Variants in SPA17 observed in about 807,000 individuals in gnomAD.
SPA17 encodes sperm autoantigenic protein 17.
Under a neutral mutation model 13.8 loss-of-function variants are expected in SPA17, and 7 were observed. That is an observed-to-expected ratio of 0.51 (90% confidence interval 0.29 to 0.95). The LOEUF (loss-of-function observed/expected upper bound fraction) is 0.95, where lower values mean the gene tolerates loss of function less well. Ranked by LOEUF, SPA17 falls within the 40% of genes least tolerant of loss-of-function variation. SPA17 has a pLI of 0.08. For missense variants in SPA17, 170 were observed against 179.3 expected (o/e 0.95, Z 0.30); for synonymous variants, 61 against 59.0 (o/e 1.03, Z -0.16).
rs1274608867 is a variant in SPA17 at position 124,694,495 on chromosome 11, C to T, written c.*49C>T. 1.3e-6 allele frequency: 2 copies of T among 1,554,174 alleles called. No individual in the cohort carries two copies. The highest frequency in any genetic ancestry group is 8.7e-7 in the Non-Finnish European group (1 of 1,151,648). On this transcript the variant is annotated 3_prime_UTR_variant, in exon 5 of 5. Transcript: ENST00000227135. ...AACATGAAAAATAATCCAAATCCAT[C>T]AACCTTCTTATTAATGTCATTTCTT...
chr11:124,681,424 G>T lies in SPA17; in HGVS notation c.190G>T (p.Val64Leu). 6.3e-7 allele frequency: 1 copy of T among 1,583,614 alleles called. No individual in the cohort carries two copies. Among genetic ancestry groups the T allele is most frequent in the Non-Finnish European group, 8.6e-7 (1 of 1,162,458 alleles). Residue 64 changes from valine to leucine, a missense_variant, in exon 3 of 5, where the codon GTA becomes TTA. Transcript: ENST00000227135. ...TGATCCAGCAGAATGGGGGAGTAAGGTAGAAGACCGCTTCTATAACAATCA... is the reference window on the plus strand; with the variant it reads ...TGATCCAGCAGAATGGGGGAGTAAGTTAGAAGACCGCTTCTATAACAATCA... The part of the protein sequence containing the change: ...NFDPAEWGSK[V>L]EDRFYNNHAF...
At position 124,696,620 on chromosome 11, in the gene SPA17, C is replaced by T. The variant is rs575329872; in HGVS notation, c.*2174C>T. 6.6e-6 allele frequency: 1 copy of T among 152,276 alleles called. No individual in the cohort carries two copies. The highest frequency in any genetic ancestry group is 2.1e-4 in the South Asian group (1 of 4,810). 9.4% of individuals were successfully genotyped at this position (152,276 alleles called of 1,614,324 possible). Reference sequence around the variant, plus strand: ...TTATTAGAACTTATCTGGTTTTCCTCTTATCTCTCTGGCTGTTCCTTCTCA... The same window carrying T: ...TTATTAGAACTTATCTGGTTTTCCTTTTATCTCTCTGGCTGTTCCTTCTCA... On this transcript the variant is annotated 3_prime_UTR_variant, in exon 5 of 5. Transcript: ENST00000227135.
intron 3 of SPA17, among the ~76,000 whole-genome samples, chr11:124,687,794 T>C (rs776530043): frequency 1.3e-4 from 20 of 151,842 alleles, no homozygotes; most frequent in Non-Finnish European, 2.5e-4. Flanking sequence ...CTCAAAACAA[T>C]AAATGCCATG....
intron 4 of SPA17, 89 bp from the exon 5 acceptor site, chr11:124,694,214 A>G: frequency 6.6e-7 from 1 of 1,510,474 alleles, no homozygotes; most frequent in Non-Finnish European, 9.0e-7. Context: ...TTGCATCCCT[A>G]AAATGATTAA....
chr11:124,687,334 C>G (rs1435506701), intron 3 of SPA17, among the ~76,000 whole-genome samples: 1 of 151,994 alleles, frequency 6.6e-6, no homozygotes, highest in Non-Finnish European at 1.5e-5. Flanking sequence ...AAGCCCAGGA[C>G]TGGATGGTTT....
chr11:124,694,013 A>T (rs1361373665), intron 4 of SPA17, among the ~76,000 whole-genome samples: 1 of 152,120 alleles, frequency 6.6e-6, no homozygotes, highest in Non-Finnish European at 1.5e-5. Context: ...ACCCCCCAAA[A>T]AATGTTGTTG....
At chr11:124,692,182 A>G (rs868565162) in intron 4 of SPA17, among the ~76,000 whole-genome samples, 1 of 152,206 alleles carries the variant, frequency 6.6e-6, no homozygotes, top group Non-Finnish European at 1.5e-5. Flanking sequence ...AGGGAATTAC[A>G]TACAGCCAAA....
chr11:124,694,615 A>G lies in SPA17; in HGVS notation c.*169A>G. The G allele has an allele frequency of 1.2e-6, 1 of 824,732 alleles. No individual in the cohort carries two copies. The highest frequency in any genetic ancestry group is 1.8e-6 in the Non-Finnish European group (1 of 550,154). The allele number at this position is 824,732 out of a possible 1,614,324, so 51.1% of individuals were successfully genotyped here. On this transcript the variant is annotated 3_prime_UTR_variant, in exon 5 of 5. Transcript: ENST00000227135. ...TGTTTAATAAGCATACCATTGAAAC[A>G]TGCCACTTGAAGATTTCTCTGAGAT...
chr11:124,675,562 A>T, intron 2 of SPA17, 144 bp downstream of exon 2: 1 of 771,712 alleles, frequency 1.3e-6, no homozygotes, highest in Admixed American at 3.1e-5. Flanking sequence ...TCTTTGAAAC[A>T]GTATGTACCT....
At chr11:124,685,438 G>A (rs908455581) in intron 3 of SPA17, among the ~76,000 whole-genome samples, 7 of 152,236 alleles carry the variant, frequency 4.6e-5, no homozygotes, top group African/African-American at 1.7e-4. Context: ...GCAGAAGTTT[G>A]CTGCAGGTGC....
chr11:124,676,742 G>T (rs922079282), intron 2 of SPA17, among the ~76,000 whole-genome samples: 1 of 152,226 alleles, frequency 6.6e-6, no homozygotes, highest in Non-Finnish European at 1.5e-5. Flanking sequence ...GCCTATGTGA[G>T]AGCAGAGGTA....
At chr11:124,686,664 T>A (rs1943581490) in intron 3 of SPA17, among the ~76,000 whole-genome samples, 1 of 151,874 alleles carries the variant, frequency 6.6e-6, no homozygotes. Context: ...TACAAACACA[T>A]GGAAATTAAA....
chr11:124,684,601 C>T (rs1344891702), intron 3 of SPA17, among the ~76,000 whole-genome samples: 1 of 152,074 alleles, frequency 6.6e-6, no homozygotes, highest in African/African-American at 2.4e-5. Context: ...TGTAAAGATA[C>T]CCAAAAATGT....
At position 124,695,571 on chromosome 11, in the gene SPA17, T is replaced by C. The variant is rs2134422543; in HGVS notation, c.*1125T>C. On this transcript the variant is annotated 3_prime_UTR_variant, in exon 5 of 5. Coordinates refer to ENST00000227135, the MANE Select transcript of SPA17 (RefSeq NM_017425.4). The stretch of plus-strand genomic sequence containing the variant: ...CATGTCTTAGACCAAAGGGTGCAGT[T>C]CTCTTCCCAATACAAAAGGTAGAAA... The C allele has an allele frequency of 6.6e-6, 1 of 152,326 alleles. No homozygotes were observed. The highest frequency in any genetic ancestry group is 1.9e-4 in the East Asian group (1 of 5,186). The allele number at this position is 152,326 out of a possible 1,614,324, so 9.4% of individuals were successfully genotyped here.
intron 1 of SPA17, chr11:124,674,526 G>A (rs1459431379): frequency 1.3e-5 from 2 of 152,244 alleles, no homozygotes. Context: ...CTCAGTAGTA[G>A]CTCAGCCCGC....
intron 3 of SPA17, among the ~76,000 whole-genome samples, chr11:124,687,894 T>G (rs1176588766): frequency 6.6e-6 from 1 of 152,136 alleles, no homozygotes; most frequent in Non-Finnish European, 1.5e-5. Flanking sequence ...AATGCCCATT[T>G]TCACCCGTCC....
At position 124,695,122 on chromosome 11, in the gene SPA17, CA is replaced by C. The variant is rs761776414; in HGVS notation, c.*684del. On this transcript the variant is annotated 3_prime_UTR_variant, in exon 5 of 5. Coordinates refer to ENST00000227135, the MANE Select transcript of SPA17 (RefSeq NM_017425.4). ...ACTCTGTCTCAAAAACAAAACAAAACAAAAAAAAGCCTCTGCCTCCTTGTAA... is the reference window on the plus strand; with the variant it reads ...ACTCTGTCTCAAAAACAAAACAAAACAAAAAAAGCCTCTGCCTCCTTGTAA... 6 of 152,248 alleles carry C rather than the reference CA, an allele frequency of 3.9e-5. No individual in the cohort carries two copies. The highest frequency in any genetic ancestry group is 5.8e-5 in the Non-Finnish European group (4 of 68,404). 9.4% of individuals were successfully genotyped at this position (152,248 alleles called of 1,614,324 possible).
At chr11:124,681,273 G>C in intron 2 of SPA17, 116 bp from the exon 3 acceptor site, 1 of 634,702 alleles carries the variant, frequency 1.6e-6, no homozygotes, top group South Asian at 3.0e-5. Context: ...ATAAGATTTT[G>C]GACTGCCAGT....
At chr11:124,694,120 C>T (rs1943650532) in intron 4 of SPA17, among the ~76,000 whole-genome samples, 183 bp from the exon 5 acceptor site, 1 of 152,124 alleles carries the variant, frequency 6.6e-6, no homozygotes, top group Non-Finnish European at 1.5e-5. Flanking sequence ...AACAAAATGC[C>T]TGCTATTTTG....
Sources: gnomAD v4.1 joint callset for allele counts (sites outside exome capture counted in the v4.1 genomes callset) on GRCh38, gnomAD v4.1.1 for gene constraint, MANE v1.5 for transcripts, NCBI Gene and HGNC (gene_info 2026-07-23, HGNC 2026-07-21) for gene names.